Variants in NCOR2 observed in about 807,000 individuals in gnomAD.
NCOR2 encodes nuclear receptor corepressor 2.
A neutral mutation model predicts 262.9 loss-of-function variants in NCOR2; 81 were observed. The observed-to-expected ratio is 0.31, with a 90% CI of 0.26 to 0.37. The LOEUF (loss-of-function observed/expected upper bound fraction) is 0.37, where lower values mean the gene tolerates loss of function less well. NCOR2 is among the 10% of genes least tolerant of loss of function. The pLI is 1.00. For missense variants in NCOR2, 3,385 were observed against 3,621.4 expected, an observed-to-expected ratio of 0.93 and a Z score of 1.68; for synonymous variants, 1,659 against 1,559.3, an observed-to-expected ratio of 1.06 and a Z score of -1.51.
intron 1 of NCOR2, chr12:124,542,427 G>C (rs1487714338): frequency 6.6e-6 from 1 of 152,432 alleles, no homozygotes; most frequent in Non-Finnish European, 1.5e-5. Flanking sequence ...GCACCCACAG[G>C]GCCCACAGAG....
chr12:124,456,616 T>C (rs1021006340), intron 6 of NCOR2, among the ~76,000 whole-genome samples: 2 of 152,190 alleles, frequency 1.3e-5, no homozygotes, highest in African/African-American at 4.8e-5. Context: ...CTCCTCACTG[T>C]AATCCAGTGG....
upstream of NCOR2, chr12:124,538,213 ATG>A (rs2051173734): frequency 6.6e-6 from 1 of 152,644 alleles, no homozygotes; most frequent in South Asian, 2.1e-4. Flanking sequence ...TCCCGGTGGC[ATG>A]GGGTCAAGGC....
At position 124,482,992 on chromosome 12, in the gene NCOR2, C is replaced by T. The variant is rs993055439; in HGVS notation, c.411+604G>A. On this transcript the variant is annotated intron_variant, in intron 3 of 46. Transcript: ENST00000405201. The surrounding 1 kb of genome is among the most constrained non-coding windows in gnomAD (Gnocchi z 6.3). ...GCCAACTCTGTCTCATCTCACTTTG[C>T]GGGACTCTGGAGTCTCCCCTCCCTG... Among the ~76,000 whole-genome samples the T allele has an allele frequency of 2.6e-5, 4 of 152,116 alleles. No individual in the cohort carries two copies. The highest frequency in any genetic ancestry group is 2.1e-4 in the South Asian group (1 of 4,830).
At chr12:124,398,547 T>C (rs2041819728) in intron 15 of NCOR2, among the ~76,000 whole-genome samples, 1 of 152,120 alleles carries the variant, frequency 6.6e-6, no homozygotes, top group African/African-American at 2.4e-5. Context: ...CTGCACTCTG[T>C]TGGGAAAGGG....
chr12:124,438,002 CA>C lies in NCOR2; in HGVS notation c.816-7del. ...TCTTCCGCATCGCCTGGTTTCTGTG[CA>C]GGAGGGAAGCGGCAGACAGGTCAGC... On this transcript the variant is annotated splice_region_variant and splice_polypyrimidine_tract_variant and intron_variant, in intron 7 of 46. Transcript: ENST00000405201. The C allele has an allele frequency of 6.2e-7, 1 of 1,607,952 alleles. No individual in the cohort carries two copies. Among genetic ancestry groups the C allele is most frequent in the Non-Finnish European group, 8.5e-7 (1 of 1,176,908 alleles).
chr12:124,434,478 G>A (rs2044211981), intron 8 of NCOR2, among the ~76,000 whole-genome samples: 1 of 152,078 alleles, frequency 6.6e-6, no homozygotes, highest in South Asian at 2.1e-4. Context: ...CTTTAAATAA[G>A]CCAATTTCTC....
intron 3 of NCOR2, among the ~76,000 whole-genome samples, chr12:124,476,612 C>A (rs552813596): frequency 6.6e-6 from 1 of 152,180 alleles, no homozygotes. Flanking sequence ...GTAAAAGCAG[C>A]GGCTGGCAAC....
intron 1 of NCOR2, among the ~76,000 whole-genome samples, chr12:124,508,068 G>T (rs1373570559): frequency 6.6e-6 from 1 of 152,226 alleles, no homozygotes; most frequent in African/African-American, 2.4e-5. Flanking sequence ...GCCAGCAGCA[G>T]CGTCCAGGGC....
chr12:124,387,210 TCA>T (rs1325476827), intron 16 of NCOR2, among the ~76,000 whole-genome samples: 2 of 151,822 alleles, frequency 1.3e-5, no homozygotes, highest in African/African-American at 4.8e-5. Context: ...ATTCATTCAT[TCA>T]TTCATTCATT....
intron 23 of NCOR2, among the ~76,000 whole-genome samples, chr12:124,356,094 C>T (rs2135923973): frequency 1.3e-5 from 2 of 152,366 alleles, no homozygotes; most frequent in Middle Eastern, 3.4e-3. Context: ...CCTGCTCTCT[C>T]CTGCCTCTGG....
chr12:124,340,569 G>A, intron 35 of NCOR2, 33 bp downstream of exon 37: 1 of 1,514,426 alleles, frequency 6.6e-7, no homozygotes, highest in Non-Finnish European at 8.8e-7. Flanking sequence ...ATGGATGCCG[G>A]GGTCCCCACC....
At chr12:124,336,469 G>C (rs778461617) in intron 38 of NCOR2, 3 of 505,782 alleles carry the variant, frequency 5.9e-6, no homozygotes, top group Non-Finnish European at 8.9e-6. Context: ...AACCAGAGGG[G>C]CAGGCGCGGC....
At chr12:124,361,726 C>T (rs2135962723) in intron 22 of NCOR2, among the ~76,000 whole-genome samples, 1 of 152,348 alleles carries the variant, frequency 6.6e-6, no homozygotes, top group Admixed American at 6.5e-5. Flanking sequence ...CTGATTCACA[C>T]CGAATCAGAG....
intron 7 of NCOR2, among the ~76,000 whole-genome samples, chr12:124,447,162 G>A (rs1302760743): frequency 1.3e-5 from 2 of 152,210 alleles, no homozygotes; most frequent in Admixed American, 6.5e-5. Context: ...TTATCTGCCC[G>A]CCTCGGCCTT....
chr12:124,423,583 C>T lies in NCOR2; in HGVS notation c.1329-1028G>A, dbSNP rs570700002. ...TCCCACCTCGGGCGGCTGGCAAGGCCGGAGCCATCCTAAGGCCCTTCTCTT... is the reference window on the plus strand; with the variant it reads ...TCCCACCTCGGGCGGCTGGCAAGGCTGGAGCCATCCTAAGGCCCTTCTCTT... On this transcript the variant is annotated intron_variant, in intron 11 of 46. Coordinates refer to ENST00000405201, the Ensembl canonical transcript of NCOR2. Among the ~76,000 whole-genome samples the T allele has an allele frequency of 4.6e-5, 7 of 152,342 alleles. No homozygotes were observed. In the South Asian group the frequency reaches 1.2e-3, roughly 27 times the overall value.
At position 124,334,375 on chromosome 12, in the gene NCOR2, A is replaced by C. The variant is rs552131728; in HGVS notation, c.6605+49T>G. ...CAGCTCTGAGGCAGGCAGCTGACGA[A>C]GGCCTCCCGCCGGCTGACCAGCAAG... On this transcript the variant is annotated intron_variant, in intron 41 of 46. Transcript: ENST00000405201. 5 of 1,366,598 alleles carry C rather than the reference A, an allele frequency of 3.7e-6. No homozygotes were observed. The African/African-American group carries it at 7.5e-5, about 20-fold the overall frequency. 84.7% of individuals were successfully genotyped at this position (1,366,598 alleles called of 1,614,324 possible).
chr12:124,498,816 C>T (rs545206573), upstream of NCOR2, among the ~76,000 whole-genome samples: 20 of 152,286 alleles, frequency 1.3e-4, no homozygotes, highest in Admixed American at 6.5e-4. Context: ...TAAAGAGGAA[C>T]GAAGGACGGC....
chr12:124,459,726 G>C (rs1463269378), intron 5 of NCOR2, among the ~76,000 whole-genome samples: 1 of 152,160 alleles, frequency 6.6e-6, no homozygotes, highest in South Asian at 2.1e-4. Flanking sequence ...TGGCATGGCT[G>C]GGGAACGTGG....
At chr12:124,534,827 C>A (rs1178575012) in intron 1 of NCOR2, among the ~76,000 whole-genome samples, 2 of 152,156 alleles carry the variant, frequency 1.3e-5, no homozygotes, top group Non-Finnish European at 2.9e-5. Context: ...AAATGAGGCA[C>A]CACCCATTCT....
Sources: gnomAD v4.1 joint callset for allele counts (sites outside exome capture counted in the v4.1 genomes callset) on GRCh38, gnomAD v4.1.1 for gene constraint, Gnocchi (gnomAD v3.1) non-coding constraint, MANE v1.5 for transcripts, NCBI Gene and HGNC (gene_info 2026-07-23, HGNC 2026-07-21) for gene names.